The following TAAR5 variants were observed in gnomAD, a reference collection of about 807,000 sequenced individuals.
TAAR5 encodes the protein trace amine associated receptor 5, also known as trace amine-associated receptor 5.
In TAAR5, 27 loss-of-function variants were observed where a neutral mutation model predicts 21.1. That is an observed-to-expected ratio of 1.28 (90% CI 0.94 to 1.76). The LOEUF is 1.76. TAAR5 is among the 40% of genes most tolerant of loss of function. TAAR5 has a pLI of 0.00. For missense variants in TAAR5, 495 were observed against 405.6 expected (o/e 1.22, Z -1.89); for synonymous variants, 203 against 167.5 (o/e 1.21, Z -1.64).
At chr6:132,614,617 C>T in the TAAR5 span, among the ~76,000 whole-genome samples, 3 of 152,108 alleles carry the variant, frequency 2.0e-5, no homozygotes, top group East Asian at 1.9e-4. Flanking sequence ...AATGACCGTC[C>T]TCTTGTGGCT....
the TAAR5 span, among the ~76,000 whole-genome samples, chr6:132,610,271 T>G: frequency 6.6e-6 from 1 of 152,184 alleles, no homozygotes; most frequent in Non-Finnish European, 1.5e-5. Flanking sequence ...AGCTTGACAT[T>G]GTGCCTATAA....
chr6:132,589,106 A>C lies in TAAR5; in HGVS notation c.581T>G (p.Leu194Arg). 1 of 1,613,976 alleles carries C rather than the reference A, an allele frequency of 6.2e-7. No homozygotes were observed. Among genetic ancestry groups the C allele is most frequent in the African/African-American group, 1.3e-5 (1 of 75,058 alleles). ...CCAGCCCCAAAATTTATTGAGCAGC[A>C]GCTGGCAACTGCCCACACAAGGCAT... ...EEMPCVGSCQ[L>R]LLNKFWGWLN... is the part of the protein sequence containing the mutation. Residue 194 changes from leucine (L) to arginine (R), a missense_variant, in exon 1 of 1, where the codon CTG becomes CGG. By Grantham distance (102) the Leu-to-Arg change is moderately radical. Coordinates refer to ENST00000258034, the MANE Select transcript of TAAR5 (RefSeq NM_003967.3).
Position 132,588,605 on chromosome 6 carries a change from C to A in TAAR5, c.*68G>T. The A allele has an allele frequency of 6.5e-7, 1 of 1,533,074 alleles. No individual in the cohort carries two copies. Among genetic ancestry groups the A allele is most frequent in the Non-Finnish European group, 8.9e-7 (1 of 1,129,628 alleles). 95.0% of individuals were successfully genotyped at this position (1,533,074 alleles called of 1,614,324 possible). A position where few individuals can be genotyped will look rare whatever the true frequency, so the allele number is the denominator to read the frequency against. On this transcript the variant is annotated 3_prime_UTR_variant, in exon 1 of 1. Transcript: ENST00000258034. ...TGCCCACAAACTCAACACCACACAG[C>A]CCACGGTCACAGTGCCACTTATCTT... is the stretch of plus-strand genomic sequence containing the variant.
At chr6:132,596,039 T>C in the TAAR5 span, among the ~76,000 whole-genome samples, 1 of 152,156 alleles carries the variant, frequency 6.6e-6, no homozygotes. Context: ...AGCTATATTA[T>C]GGCAAATTAA....
the TAAR5 span, among the ~76,000 whole-genome samples, chr6:132,615,763 A>G: frequency 6.6e-6 from 1 of 152,074 alleles, no homozygotes; most frequent in African/African-American, 2.4e-5. Flanking sequence ...TTTCATAACC[A>G]CACCTGGATA....
chr6:132,609,532 A>G, the TAAR5 span, among the ~76,000 whole-genome samples: 3 of 152,136 alleles, frequency 2.0e-5, no homozygotes, highest in Non-Finnish European at 4.4e-5. Flanking sequence ...ATTTAACTCC[A>G]TTTCATCCAT....
chr6:132,608,688 C>A, the TAAR5 span: 1 of 455,818 alleles, frequency 2.2e-6, no homozygotes, highest in Non-Finnish European at 4.4e-6. Flanking sequence ...ATATTGTCCC[C>A]CAGAATTTGT....
At chr6:132,600,819 G>GGGAGGGAGGGAAGGAA in the TAAR5 span, among the ~76,000 whole-genome samples, 1 of 75,328 alleles carries the variant, frequency 1.3e-5, no homozygotes, top group African/African-American at 6.3e-5. Context: ...GAAGGAAGGA[G>GGGAGGGAGGGAAGGAA]GGAGGGAAGG....
chr6:132,608,246 A>G, the TAAR5 span: 1 of 416,754 alleles, frequency 2.4e-6, no homozygotes, highest in Non-Finnish European at 4.7e-6. Flanking sequence ...ACAGCTTTTT[A>G]TTAATGTGCT....
rs1724656333 is a variant in TAAR5 at position 132,589,127 on chromosome 6, G to A, written c.560C>T (p.Pro187Leu). The A allele has an allele frequency of 6.2e-7, 1 of 1,612,898 alleles. No individual in the cohort carries two copies. The highest frequency in any genetic ancestry group is 1.3e-5 in the African/African-American group (1 of 74,920). The change falls in exon 1 of 1, where the codon CCT becomes CTT. Residue 187 changes from proline to leucine, a missense_variant. Pro to Leu is a moderately conservative substitution (Grantham distance 98). Coordinates refer to ENST00000258034, the MANE Select transcript of TAAR5 (RefSeq NM_003967.3). Reference protein sequence around the residue: ...TRLSQWLEEMPCVGSCQLLLN... With the variant: ...TRLSQWLEEMLCVGSCQLLLN... ...CAGCAGCTGGCAACTGCCCACACAA[G>A]GCATCTCTTCCAGCCACTGGCTGAG...
upstream of TAAR5, among the ~76,000 whole-genome samples, chr6:132,591,945 G>C (rs1776913170): frequency 6.6e-6 from 1 of 152,154 alleles, no homozygotes; most frequent in African/African-American, 2.4e-5. Flanking sequence ...GCAGTCTCTG[G>C]CATGTAGAAA....
At position 132,588,811 on chromosome 6, in the gene TAAR5, C is replaced by A; in HGVS notation, c.876G>T (p.Trp292Cys). 1.2e-6 allele frequency: 2 copies of A among 1,614,024 alleles called. No homozygotes were observed. Among genetic ancestry groups the A allele is most frequent in the Non-Finnish European group, 1.7e-6 (2 of 1,179,988 alleles). Residue 292 changes from tryptophan (W) to cysteine (C), a missense_variant, in exon 1 of 1, where the codon TGG becomes TGT. Trp to Cys is a radical substitution (Grantham distance 215). Transcript: ENST00000258034. Reference sequence around the variant, plus strand: ...TGCAGGCTGAGTTGAAGTAAGCAAACCAGATAAAGATGTCAAAGACCAGTG... The same window carrying A: ...TGCAGGCTGAGTTGAAGTAAGCAAAACAGATAAAGATGTCAAAGACCAGTG... Reference protein sequence around the residue: ...TPPLVFDIFIWFAYFNSACNP... With the variant: ...TPPLVFDIFICFAYFNSACNP...
chr6:132,614,027 G>C, the TAAR5 span, among the ~76,000 whole-genome samples: 3 of 152,170 alleles, frequency 2.0e-5, no homozygotes, highest in Non-Finnish European at 4.4e-5. Context: ...AGATAAGAAA[G>C]ATCAGCAAAG....
the TAAR5 span, among the ~76,000 whole-genome samples, chr6:132,601,139 AGGAAGGAG>A: frequency 1.4e-5 from 2 of 144,468 alleles, no homozygotes; most frequent in Admixed American, 6.8e-5. Context: ...GAAAGAAGGA[AGGAAGGAG>A]GGAAGGAGGG....
At chr6:132,593,407 T>C (rs1323689570), upstream of TAAR5, among the ~76,000 whole-genome samples, 1 of 152,202 alleles carries the variant, frequency 6.6e-6, no homozygotes, top group African/African-American at 2.4e-5. Context: ...GCTCAATAAA[T>C]GTTCGTTGAA....
At chr6:132,615,598 T>C in the TAAR5 span, among the ~76,000 whole-genome samples, 2 of 151,986 alleles carry the variant, frequency 1.3e-5, no homozygotes, top group Non-Finnish European at 2.9e-5. Flanking sequence ...TTGAGGAACA[T>C]GATTTTACTA....
chr6:132,604,219 C>T, the TAAR5 span, among the ~76,000 whole-genome samples: 2 of 148,170 alleles, frequency 1.3e-5, no homozygotes, highest in East Asian at 4.0e-4. Flanking sequence ...TCTAGGCTCA[C>T]TGCAACCTCT....
At chr6:132,616,032 C>T in the TAAR5 span, among the ~76,000 whole-genome samples, 444 of 152,220 alleles carry the variant, frequency 2.9e-3, 3 homozygotes, top group African/African-American at 0.01. Flanking sequence ...ATATTGTTCA[C>T]AGCCAGTGGT....
At chr6:132,610,409 A>C in the TAAR5 span, among the ~76,000 whole-genome samples, 2 of 152,146 alleles carry the variant, frequency 1.3e-5, no homozygotes, top group Non-Finnish European at 2.9e-5. Flanking sequence ...TGCAGGGTAC[A>C]TTTAACAAGT....
Sources: gnomAD v4.1 joint callset for allele counts (sites outside exome capture counted in the v4.1 genomes callset) on GRCh38, gnomAD v4.1.1 for gene constraint, MANE v1.5 for transcripts, NCBI Gene and HGNC (gene_info 2026-07-23, HGNC 2026-07-21) for gene names.